Variants in LARGE1 observed in about 807,000 individuals in gnomAD.
LARGE1 encodes LARGE xylosyl- and glucuronyltransferase 1.
A neutral mutation model predicts 87.6 loss-of-function variants in LARGE1; 43 were observed. The ratio of observed to expected loss-of-function variants is 0.49; its 90% CI spans 0.38 to 0.63. LARGE1 has a LOEUF of 0.63. Among genes scored for constraint, LARGE1 ranks in the 30% least tolerant of loss-of-function variants. The pLI is 0.00. For missense variants in LARGE1, 802 were observed against 1,000.2 expected, an observed-to-expected ratio of 0.80 and a Z score of 2.67; for synonymous variants, 434 against 394.6, an observed-to-expected ratio of 1.10 and a Z score of -1.18.
chr22:33,460,099 G>A (rs1053303404), intron 6 of LARGE1, among the ~76,000 whole-genome samples: 1 of 152,224 alleles, frequency 6.6e-6, no homozygotes, highest in Non-Finnish European at 1.5e-5. Context: ...CTTACATACT[G>A]TCCAGCTAAC....
intron 11 of LARGE1, among the ~76,000 whole-genome samples, chr22:33,193,908 A>G (rs564994650): frequency 0.029 from 4,268 of 146,362 alleles, 87 homozygotes; most frequent in Admixed American, 0.053. Context: ...TGTTTTATAT[A>G]TTATATATGT....
chr22:33,696,197 G>T (rs2149353520), intron 2 of LARGE1, among the ~76,000 whole-genome samples: 1 of 151,758 alleles, frequency 6.6e-6, no homozygotes, highest in South Asian at 2.1e-4. Context: ...AACTACAACT[G>T]CAACTGAAGG....
intron 1 of LARGE1, among the ~76,000 whole-genome samples, chr22:33,900,978 C>CA (rs1403556246): frequency 3.3e-5 from 5 of 152,102 alleles, no homozygotes; most frequent in Non-Finnish European, 5.9e-5. Flanking sequence ...ACCCGGGAGA[C>CA]AGAGGTTGCA....
At chr22:33,455,006 T>C (rs1246528587) in intron 6 of LARGE1, among the ~76,000 whole-genome samples, 1 of 152,194 alleles carries the variant, frequency 6.6e-6, no homozygotes, top group East Asian at 1.9e-4. Flanking sequence ...AGGTACGTAC[T>C]GCTAAAAGCA....
intron 2 of LARGE1, among the ~76,000 whole-genome samples, chr22:33,702,042 G>A (rs2082417814): frequency 6.6e-6 from 1 of 152,208 alleles, no homozygotes; most frequent in African/African-American, 2.4e-5. Context: ...ATCTGCAAGA[G>A]CCGGCTCCAC....
intron 5 of LARGE1, among the ~76,000 whole-genome samples, chr22:33,587,455 T>G (rs921450572): frequency 2.6e-5 from 4 of 152,316 alleles, no homozygotes; most frequent in Non-Finnish European, 5.9e-5. Context: ...AAGACTCCTA[T>G]ATAAAATCTT....
the LARGE1 span, among the ~76,000 whole-genome samples, chr22:33,093,032 C>T: frequency 1.4e-5 from 2 of 144,474 alleles, no homozygotes; most frequent in East Asian, 1.9e-4. Flanking sequence ...GGTTCTAGAT[C>T]TTTGAGGAAT....
the LARGE1 span, among the ~76,000 whole-genome samples, chr22:33,138,990 T>A: frequency 2.0e-5 from 3 of 152,118 alleles, no homozygotes; most frequent in Admixed American, 2.0e-4. Flanking sequence ...TGATAGTGAA[T>A]AAGTCTCACA....
chr22:33,084,075 C>G, the LARGE1 span, among the ~76,000 whole-genome samples: 1 of 152,152 alleles, frequency 6.6e-6, no homozygotes, highest in East Asian at 1.9e-4. Context: ...ACTCCTATAG[C>G]CCATTGTTGA....
At chr22:33,747,211 G>A (rs1438149456) in intron 2 of LARGE1, among the ~76,000 whole-genome samples, 1 of 152,092 alleles carries the variant, frequency 6.6e-6, no homozygotes, top group Non-Finnish European at 1.5e-5. Flanking sequence ...GCTTCCCGAG[G>A]AGAGGAGAGC....
intron 11 of LARGE1, among the ~76,000 whole-genome samples, chr22:33,220,901 C>T (rs1327000435): frequency 6.6e-6 from 1 of 152,128 alleles, no homozygotes; most frequent in East Asian, 1.9e-4. Context: ...GACAGAGATT[C>T]GGCCTTGCAT....
At chr22:33,449,692 A>G (rs2067832594) in intron 6 of LARGE1, among the ~76,000 whole-genome samples, 1 of 152,214 alleles carries the variant, frequency 6.6e-6, no homozygotes, top group Non-Finnish European at 1.5e-5. Flanking sequence ...CCTGGTATAT[A>G]TGCGTCTCAA....
At chr22:33,377,972 C>G (rs1316083975) in intron 9 of LARGE1, among the ~76,000 whole-genome samples, 1 of 152,042 alleles carries the variant, frequency 6.6e-6, no homozygotes, top group Non-Finnish European at 1.5e-5. Context: ...TTTTTTATTT[C>G]TACATGTAAT....
intron 6 of LARGE1, among the ~76,000 whole-genome samples, chr22:33,514,306 G>A (rs1232906873): frequency 1.6e-5 from 2 of 124,658 alleles, no homozygotes; most frequent in Non-Finnish European, 3.5e-5. Flanking sequence ...ACACACACAC[G>A]ATGATGCACA....
chr22:33,567,732 C>A (rs1301276990), intron 5 of LARGE1, among the ~76,000 whole-genome samples: 1 of 152,168 alleles, frequency 6.6e-6, no homozygotes, highest in Non-Finnish European at 1.5e-5. Flanking sequence ...CTGTATCCAG[C>A]AGGCAATTTC....
chr22:33,222,939 C>G (rs560806337), intron 11 of LARGE1, among the ~76,000 whole-genome samples: 4 of 152,172 alleles, frequency 2.6e-5, no homozygotes, highest in South Asian at 4.1e-4. Context: ...CAGGCCCCCC[C>G]AGTCTCCCCT....
At chr22:33,807,513 T>C (rs1196963605) in intron 1 of LARGE1, among the ~76,000 whole-genome samples, 2 of 152,204 alleles carry the variant, frequency 1.3e-5, no homozygotes, top group Admixed American at 1.3e-4. Context: ...CTGGTGAGCC[T>C]ACATTGATAC....
intron 6 of LARGE1, among the ~76,000 whole-genome samples, chr22:33,523,295 A>T (rs2071707274): frequency 6.6e-6 from 1 of 151,516 alleles, no homozygotes; most frequent in Non-Finnish European, 1.5e-5. Context: ...AAGGCGTGAG[A>T]CACCCTGCCC....
At chr22:33,241,678 A>G (rs750976873) in intron 11 of LARGE1, among the ~76,000 whole-genome samples, 3 of 151,940 alleles carry the variant, frequency 2.0e-5, no homozygotes, top group Non-Finnish European at 2.9e-5. Flanking sequence ...ATGTATATAT[A>G]TTACAATGAA....
Sources: gnomAD v4.1 joint callset for allele counts (sites outside exome capture counted in the v4.1 genomes callset) on GRCh38, gnomAD v4.1.1 for gene constraint, MANE v1.5 for transcripts, NCBI Gene and HGNC (gene_info 2026-07-23, HGNC 2026-07-21) for gene names.